Variants in SLC25A31 observed in about 807,000 individuals in gnomAD.
SLC25A31 encodes solute carrier family 25 member 31.
A neutral mutation model predicts 36.2 loss-of-function variants in SLC25A31; 40 were observed. The ratio of observed to expected loss-of-function variants is 1.10; its 90% CI spans 0.86 to 1.44. The LOEUF is 1.44. Among genes scored for constraint, SLC25A31 ranks in the 40% most tolerant of loss-of-function variants. The probability of loss-of-function intolerance (pLI) is 0.00; values close to 1 mark genes in which losing one functional copy is unlikely to be tolerated. For synonymous variants in SLC25A31, 143 were observed against 149.7 expected, an observed-to-expected ratio of 0.96 and a Z score of 0.32; for missense variants, 350 against 397.1, an observed-to-expected ratio of 0.88 and a Z score of 1.01.
chr4:127,761,388 T>C (rs1732126238), intron 2 of SLC25A31, among the ~76,000 whole-genome samples: 2 of 152,224 alleles, frequency 1.3e-5, no homozygotes, highest in African/African-American at 4.8e-5. Flanking sequence ...GTTGATGTGC[T>C]TGGTTTTCAT....
At chr4:127,730,818 C>A (rs1226779461) in intron 1 of SLC25A31, 41 bp downstream of exon 1, 1 of 1,555,394 alleles carries the variant, frequency 6.4e-7, no homozygotes, top group African/African-American at 1.4e-5. Flanking sequence ...CTCCCGGCGC[C>A]CTCGTCAGCT....
intron 2 of SLC25A31, among the ~76,000 whole-genome samples, chr4:127,750,002 T>C (rs922045760): frequency 4.6e-5 from 7 of 152,136 alleles, no homozygotes; most frequent in Non-Finnish European, 7.4e-5. Context: ...AAAGGAAACC[T>C]TGCAAGCCAG....
chr4:127,755,096 G>T (rs1021437589), intron 2 of SLC25A31, among the ~76,000 whole-genome samples: 1 of 152,134 alleles, frequency 6.6e-6, no homozygotes, highest in Admixed American at 6.5e-5. Flanking sequence ...TCCATATGCA[G>T]AAGAATGAAA....
chr4:127,733,090 T>C (rs1210949104), intron 1 of SLC25A31, among the ~76,000 whole-genome samples: 3 of 152,238 alleles, frequency 2.0e-5, no homozygotes, highest in African/African-American at 4.8e-5. Context: ...GATTTACTTA[T>C]AAACACATTG....
chr4:127,753,839 GCA>G (rs760745713), intron 2 of SLC25A31, among the ~76,000 whole-genome samples: 1 of 152,078 alleles, frequency 6.6e-6, no homozygotes, highest in Non-Finnish European at 1.5e-5. Context: ...TGATACCAAA[GCA>G]CCAGAGAAGG....
At position 127,764,036 on chromosome 4, in the gene SLC25A31, G is replaced by C. The variant is rs543506451; in HGVS notation, c.361-207G>C. Among the ~76,000 whole-genome samples, 13 of 152,250 alleles carry C rather than the reference G, an allele frequency of 8.5e-5. No individual in the cohort carries two copies. The South Asian group carries it at 2.7e-3, about 32-fold the overall frequency. On this transcript the variant is annotated intron_variant, in intron 2 of 5. Coordinates refer to ENST00000281154, the MANE Select transcript of SLC25A31 (RefSeq NM_031291.4). ...TTCAGTATGTCAGCATCTAAACTGT[G>C]TCTTCCAGACTGCATGAAACAAAAG...
chr4:127,759,806 G>A (rs1388153233), intron 2 of SLC25A31, among the ~76,000 whole-genome samples: 2 of 152,044 alleles, frequency 1.3e-5, no homozygotes, highest in African/African-American at 4.8e-5. Context: ...AGTTAAAATG[G>A]TAAATCTTGT....
chr4:127,768,981 T>C, intron 5 of SLC25A31, 104 bp downstream of exon 5: 1 of 1,040,194 alleles, frequency 9.6e-7, no homozygotes, highest in Non-Finnish European at 1.3e-6. Flanking sequence ...CATAAGTCAT[T>C]TGTTTTACTT....
At chr4:127,739,058 T>C (rs963965601) in intron 1 of SLC25A31, among the ~76,000 whole-genome samples, 1 of 152,216 alleles carries the variant, frequency 6.6e-6, no homozygotes, top group African/African-American at 2.4e-5. Context: ...ATCCAACTTG[T>C]CACTCTGTCT....
At chr4:127,760,521 A>G (rs1011122857) in intron 2 of SLC25A31, among the ~76,000 whole-genome samples, 1 of 152,220 alleles carries the variant, frequency 6.6e-6, no homozygotes, top group Non-Finnish European at 1.5e-5. Context: ...AGCAGCTTTC[A>G]GCACAGCCCT....
At chr4:127,755,150 T>C (rs1361682671) in intron 2 of SLC25A31, among the ~76,000 whole-genome samples, 1 of 151,992 alleles carries the variant, frequency 6.6e-6, no homozygotes, top group Non-Finnish European at 1.5e-5. Context: ...TTAAAACATA[T>C]TAAAGATTTA....
At chr4:127,743,172 G>A (rs1020409921) in intron 1 of SLC25A31, among the ~76,000 whole-genome samples, 8 of 142,094 alleles carry the variant, frequency 5.6e-5, no homozygotes, top group Admixed American at 1.5e-4. Context: ...ATTCTGTCAC[G>A]CATGCTGGAA....
At chr4:127,754,435 A>G (rs972742237) in intron 2 of SLC25A31, among the ~76,000 whole-genome samples, 2 of 152,172 alleles carry the variant, frequency 1.3e-5, no homozygotes, top group Admixed American at 6.5e-5. Context: ...TGAATTCAGT[A>G]AAGTCACAGG....
chr4:127,751,887 T>A (rs1731940292), intron 2 of SLC25A31, among the ~76,000 whole-genome samples: 1 of 152,018 alleles, frequency 6.6e-6, no homozygotes, highest in Non-Finnish European at 1.5e-5. Flanking sequence ...TCACACCAGT[T>A]AGAATGGCAA....
intron 1 of SLC25A31, among the ~76,000 whole-genome samples, chr4:127,737,530 C>A (rs1024845470): frequency 3.9e-5 from 6 of 151,988 alleles, no homozygotes; most frequent in African/African-American, 1.2e-4. Context: ...GTACGCTAAT[C>A]AAAGTTACAA....
chr4:127,747,516 T>C (rs1731846874), intron 2 of SLC25A31, among the ~76,000 whole-genome samples: 1 of 152,212 alleles, frequency 6.6e-6, no homozygotes, highest in African/African-American at 2.4e-5. Flanking sequence ...CCTGATTAGC[T>C]GTATTCCTAG....
chr4:127,737,386 C>T (rs1731651346), intron 1 of SLC25A31, among the ~76,000 whole-genome samples: 1 of 152,088 alleles, frequency 6.6e-6, no homozygotes, highest in Non-Finnish European at 1.5e-5. Context: ...CGTGCAAATA[C>T]AATTTTTCTC....
chr4:127,765,764 A>G (rs182351211), intron 3 of SLC25A31, among the ~76,000 whole-genome samples: 1 of 152,320 alleles, frequency 6.6e-6, no homozygotes, highest in Admixed American at 6.5e-5. Flanking sequence ...AGCAGTTTTA[A>G]ATAAGTGATC....
At chr4:127,763,619 G>T (rs970327475) in intron 2 of SLC25A31, among the ~76,000 whole-genome samples, 3 of 152,168 alleles carry the variant, frequency 2.0e-5, no homozygotes, top group Non-Finnish European at 2.9e-5. Context: ...GACCAGTGAG[G>T]CCTAACTTAA....
Sources: gnomAD v4.1 joint callset for allele counts (sites outside exome capture counted in the v4.1 genomes callset) on GRCh38, gnomAD v4.1.1 for gene constraint, MANE v1.5 for transcripts, NCBI Gene and HGNC (gene_info 2026-07-23, HGNC 2026-07-21) for gene names.